GTF2F1: variants seen among roughly 807,000 people sequenced by gnomAD.
GTF2F1 encodes the protein general transcription factor IIF 74 kDa subunit.
Under a neutral mutation model 63.5 loss-of-function variants are expected in GTF2F1, and 39 were observed. The ratio of observed to expected loss-of-function variants is 0.61; its 90% CI spans 0.48 to 0.80. The LOEUF is 0.80. GTF2F1 is among the 30% of genes least tolerant of loss of function. The pLI, the probability that GTF2F1 is intolerant of heterozygous loss-of-function variation, is 0.00. For synonymous variants in GTF2F1, 287 were observed against 285.3 expected, an observed-to-expected ratio of 1.01 and a Z score of -0.06; for missense variants, 657 against 718.3, an observed-to-expected ratio of 0.91 and a Z score of 0.97.
At position 6,381,943 on chromosome 19, in the gene GTF2F1, TCCTGGGGGG is replaced by T. The variant is rs2091953993; in HGVS notation, c.683-102_683-94del. ...TTTCACATTTTGTGCAGTTTTGACA[TCCTGGGGGG>T]CCTCACTGACTGGGGAGACTACACC... On this transcript the variant is annotated intron_variant, in intron 6 of 12. Transcript: ENST00000394456. The surrounding 1 kb of genome is among the most constrained non-coding windows in gnomAD (Gnocchi z 4.1). 9.3e-7 allele frequency: 1 copy of T among 1,078,598 alleles called. No homozygotes were observed. The highest frequency in any genetic ancestry group is 1.3e-6 in the Non-Finnish European group (1 of 743,070). The allele number at this position is 1,078,598 out of a possible 1,614,324, so 66.8% of individuals were successfully genotyped here. A position where few individuals can be genotyped will look rare whatever the true frequency, so the allele number is the denominator to read the frequency against.
Position 6,381,742 on chromosome 19 carries a change from C to A in GTF2F1, c.791G>T (p.Gly264Val). ...GTCCACCTCTTGGCCCTCGAAGTCCCCATCATCGCTGTCCTCGAAGGCCTC... is the reference window on the plus strand; with the variant it reads ...GTCCACCTCTTGGCCCTCGAAGTCCACATCATCGCTGTCCTCGAAGGCCTC... ...DDEAFEDSDD[G>V]DFEGQEVDYM... Residue 264 changes from glycine to valine, a missense_variant, in exon 7 of 13, where the codon GGG becomes GTG. Physicochemically the swap from Gly to Val is moderately radical, Grantham distance 109. Transcript: ENST00000394456. This position sits in a 1 kb window ranked among gnomAD's most constrained non-coding sequence, Gnocchi z 4.1. The A allele has an allele frequency of 6.2e-7, 1 of 1,614,190 alleles. No individual in the cohort carries two copies. The highest frequency in any genetic ancestry group is 1.1e-5 in the South Asian group (1 of 91,084).
rs2091962802 is a variant in GTF2F1, at chr19:6,383,516, G to T, written c.498-21C>A. 1.2e-6 allele frequency: 2 copies of T among 1,607,424 alleles called. No individual in the cohort carries two copies. The highest frequency in any genetic ancestry group is 1.1e-5 in the South Asian group (1 of 91,042). ...TCCTCCTGCGGGCCAGGCACAGGGGGGCTCATGCCGGGCCTGGCACCACCC... is the reference window on the plus strand; with the variant it reads ...TCCTCCTGCGGGCCAGGCACAGGGGTGCTCATGCCGGGCCTGGCACCACCC... On this transcript the variant is annotated intron_variant, in intron 5 of 12. Transcript: ENST00000394456. The surrounding 1 kb of genome is among the most constrained non-coding windows in gnomAD (Gnocchi z 4.5).
chr19:6,386,123 C>T (rs1026450272), intron 5 of GTF2F1, among the ~76,000 whole-genome samples: 1 of 151,642 alleles, frequency 6.6e-6, no homozygotes, highest in African/African-American at 2.4e-5. Flanking sequence ...TGGTGGCTCA[C>T]GGATGTAATC....
intron 2 of GTF2F1, 62 bp downstream of exon 2, chr19:6,392,795 G>A (rs2092005902): frequency 6.6e-6 from 10 of 1,509,024 alleles, no homozygotes; most frequent in Non-Finnish European, 8.3e-6. Flanking sequence ...TGGCTAAGAA[G>A]ATCGTGAAGG....
In GTF2F1 at chr19:6,391,945, G is replaced by A. The variant is rs1401905152; in HGVS notation, c.89C>T (p.Ala30Val). Residue 30 changes from alanine to valine, a missense_variant, in exon 3 of 13, where the codon GCT becomes GTT. Transcript: ENST00000394456. ...GTTGACTTTGTCGGCTGCATTAAAAGCCATGATGTTATATTTTTTGGTTGT... is the reference window on the plus strand; with the variant it reads ...GTTGACTTTGTCGGCTGCATTAAAAACCATGATGTTATATTTTTTGGTTGT... ...KNTTKKYNIM[A>V]FNAADKVNFA... The A allele has an allele frequency of 1.6e-5, 25 of 1,581,614 alleles. No homozygotes were observed. The highest frequency in any genetic ancestry group is 2.2e-5 in the Non-Finnish European group (25 of 1,161,610).
Position 6,380,958 on chromosome 19 carries a change from C to T in GTF2F1, c.1177G>A (p.Glu393Lys). The T allele has an allele frequency of 1.3e-6, 2 of 1,596,700 alleles. No homozygotes were observed. Among genetic ancestry groups the T allele is most frequent in the Non-Finnish European group, 1.7e-6 (2 of 1,171,780 alleles). Residue 393 changes from glutamate (E) to lysine (K), a missense_variant, in exon 11 of 13, where the codon GAG becomes AAG. Glu to Lys is a moderately conservative substitution (Grantham distance 56). Coordinates refer to ENST00000394456, the MANE Select transcript of GTF2F1 (RefSeq NM_002096.3). The surrounding 1 kb of genome is among the most constrained non-coding windows in gnomAD (Gnocchi z 5.3). The stretch of plus-strand genomic sequence containing the variant: ...AGGGTGGAGGAGGTGCTGCCACCCT[C>T]TGCGCTGGGCGTGCCTGGGCGGCTG... Reference protein sequence around the residue: ...GNSRPGTPSAEGGSTSSTLRA... With the variant: ...GNSRPGTPSAKGGSTSSTLRA...
rs755641898 is a variant in GTF2F1, at chr19:6,392,857, T to G, written c.59A>C (p.Lys20Thr). Residue 20 changes from lysine (K) to threonine (T), a missense_variant and splice_region_variant, in exon 2 of 13, where the codon AAG becomes ACG. Transcript: ENST00000394456. ...GTGGGAGATGGGGCTGGGGACTTAC[T>G]TAGGAACTCGAACGACGTATTCAGT... is the stretch of plus-strand genomic sequence containing the variant. ...NVTEYVVRVP[K>T]NTTKKYNIMA... The G allele has an allele frequency of 1.9e-6, 3 of 1,613,850 alleles. No individual in the cohort carries two copies. The South Asian group carries it at 3.3e-5, about 18-fold the overall frequency.
In GTF2F1 at chr19:6,389,633, C is replaced by G. The variant is rs760026116; in HGVS notation, c.137G>C (p.Arg46Pro). Residue 46 changes from arginine (R) to proline (P), a missense_variant, in exon 4 of 13, where the codon CGG becomes CCG. Physicochemically the swap from Arg to Pro is moderately radical, Grantham distance 103 (BLOSUM62 -2). Transcript: ENST00000394456. ...CTTGTTGCTCAAGTCCCGCTCCAGC[C>G]GAGCCTAGGGGAGCAGGAAGCAAAG... ...KVNFATWNQA[R>P]LERDLSNKKI... 2 of 1,613,322 alleles carry G rather than the reference C, an allele frequency of 1.2e-6. No homozygotes were observed. Among genetic ancestry groups the G allele is most frequent in the Admixed American group, 3.3e-5 (2 of 60,018 alleles).
In GTF2F1 at chr19:6,387,375, C is replaced by A; in HGVS notation, c.497+14G>T. On this transcript the variant is annotated intron_variant, in intron 5 of 12. Transcript: ENST00000394456. ...CCCTCACTTCTGTCCCCAGCCACCA[C>A]CCAGCCCACTCACCTCTCCCACTCC... 1 of 1,612,828 alleles carries A rather than the reference C, an allele frequency of 6.2e-7. No homozygotes were observed. Among genetic ancestry groups the A allele is most frequent in the Non-Finnish European group, 8.5e-7 (1 of 1,179,034 alleles).
chr19:6,387,433 C>T lies in GTF2F1; in HGVS notation c.453G>A (p.Arg151=), dbSNP rs369502874. 19 of 1,614,142 alleles carry T rather than the reference C, an allele frequency of 1.2e-5. No individual in the cohort carries two copies. Among genetic ancestry groups the T allele is most frequent in the Middle Eastern group, 1.6e-4 (1 of 6,084 alleles). The change falls in exon 5 of 13, where the codon CGG becomes CGA. Residue 151 remains arginine, a synonymous_variant. Coordinates refer to ENST00000394456, the MANE Select transcript of GTF2F1 (RefSeq NM_002096.3). The part of the protein sequence containing the change: ...HNWYNFTPLA[R]HRTLTAEEAE... ...CCTCCTCGGCAGTGAGCGTGCGATG[C>T]CGGGCCAGCGGTGTGAAATTGTACC...
At position 6,380,713 on chromosome 19, in the gene GTF2F1, G is replaced by A. The variant is rs965881031; in HGVS notation, c.1232-23C>T. The A allele has an allele frequency of 5.0e-6, 8 of 1,604,206 alleles. No homozygotes were observed. Among genetic ancestry groups the A allele is most frequent in the Non-Finnish European group, 6.8e-6 (8 of 1,177,498 alleles). The stretch of plus-strand genomic sequence containing the variant: ...TCCCTGTGGGAGTGGGGTCAGGGCT[G>A]AGTCTTGCAGGCAGGAGGCAGAACC... On this transcript the variant is annotated intron_variant, in intron 11 of 12. Coordinates refer to ENST00000394456, the MANE Select transcript of GTF2F1 (RefSeq NM_002096.3). The surrounding 1 kb of genome is among the most constrained non-coding windows in gnomAD (Gnocchi z 5.3).
chr19:6,379,937 T>C lies in GTF2F1; in HGVS notation c.*344A>G, dbSNP rs1199698782. ...GGATAAGTCACAGCTGAAGAGAGAC[T>C]TAGGGAAGTGGAAGGGAGAACTGTA... On this transcript the variant is annotated 3_prime_UTR_variant, in exon 13 of 13. Coordinates refer to ENST00000394456, the MANE Select transcript of GTF2F1 (RefSeq NM_002096.3). 2 of 362,024 alleles carry C rather than the reference T, an allele frequency of 5.5e-6. No homozygotes were observed. Among genetic ancestry groups the C allele is most frequent in the Non-Finnish European group, 1.1e-5 (2 of 190,360 alleles). 22.4% of individuals were successfully genotyped at this position (362,024 alleles called of 1,614,324 possible).
intron 4 of GTF2F1, among the ~76,000 whole-genome samples, chr19:6,388,265 G>A (rs537593791): frequency 6.6e-6 from 1 of 152,246 alleles, no homozygotes; most frequent in South Asian, 2.1e-4. Flanking sequence ...CACCTGGCCC[G>A]GGCCACCATT....
chr19:6,391,921 T>A lies in GTF2F1; in HGVS notation c.113A>T (p.Asn38Ile). The change falls in exon 3 of 13, where the codon AAC becomes ATC. Residue 38 changes from asparagine (N) to isoleucine (I), a missense_variant. By Grantham distance (149) the Asn-to-Ile change is moderately radical. Coordinates refer to ENST00000394456, the MANE Select transcript of GTF2F1 (RefSeq NM_002096.3). Reference sequence around the variant, plus strand: ...ACTTACCTGATTCCACGTAGCAAAGTTGACTTTGTCGGCTGCATTAAAAGC... The same window carrying A: ...ACTTACCTGATTCCACGTAGCAAAGATGACTTTGTCGGCTGCATTAAAAGC... ...IMAFNAADKV[N>I]FATWNQARLE... is the part of the protein sequence containing the mutation. 6.3e-7 allele frequency: 1 copy of A among 1,583,636 alleles called. No homozygotes were observed.
At chr19:6,384,965 G>A (rs1227114370) in intron 5 of GTF2F1, among the ~76,000 whole-genome samples, 2 of 151,960 alleles carry the variant, frequency 1.3e-5, no homozygotes, top group Non-Finnish European at 2.9e-5. Flanking sequence ...TGTATTTTTA[G>A]TAGAGATGGC....
intron 6 of GTF2F1, among the ~76,000 whole-genome samples, 185 bp from the exon 7 acceptor site, chr19:6,382,035 C>A (rs979774441): frequency 1.3e-5 from 2 of 152,066 alleles, no homozygotes; most frequent in Non-Finnish European, 2.9e-5. Flanking sequence ...GACCCCACAC[C>A]CCCACCCACC....
chr19:6,382,989 T>A (rs2145074728), intron 6 of GTF2F1, among the ~76,000 whole-genome samples: 1 of 151,892 alleles, frequency 6.6e-6, no homozygotes, highest in South Asian at 2.1e-4. Context: ...ACAACCTCTA[T>A]CTCACGGGTT....
At chr19:6,388,439 C>T (rs925229519) in intron 4 of GTF2F1, among the ~76,000 whole-genome samples, 1 of 152,196 alleles carries the variant, frequency 6.6e-6, no homozygotes, top group African/African-American at 2.4e-5. Context: ...GTGTGAGCTG[C>T]CTGTGTCTGT....
intron 5 of GTF2F1, among the ~76,000 whole-genome samples, chr19:6,385,919 G>C (rs569223260): frequency 6.6e-6 from 1 of 151,728 alleles, no homozygotes; most frequent in Non-Finnish European, 1.5e-5. Context: ...CAAAAAAATA[G>C]AAAAAAATTA....
Sources: allele counts gnomAD v4.1 joint callset (sites outside exome capture counted in the v4.1 genomes callset), GRCh38; gene constraint gnomAD v4.1.1; non-coding constraint Gnocchi (gnomAD v3.1); transcripts MANE v1.5; gene names NCBI Gene and HGNC (gene_info 2026-07-23, HGNC 2026-07-21).